The following CORO7 variants were observed in gnomAD, a reference collection of about 807,000 sequenced individuals.
The protein encoded by CORO7 is coronin-7.
In CORO7, 107 loss-of-function variants were observed where a neutral mutation model predicts 126.6. The ratio of observed to expected loss-of-function variants is 0.85; its 90% CI spans 0.72 to 0.99. CORO7 has a LOEUF of 0.99. Ranked by LOEUF, CORO7 falls within the 50% of genes least tolerant of loss-of-function variation. The pLI, the probability that CORO7 is intolerant of heterozygous loss-of-function variation, is 0.00. For synonymous variants in CORO7, 603 were observed against 536.8 expected, an observed-to-expected ratio of 1.12 and a Z score of -1.70; for missense variants, 1,314 against 1,255.8, an observed-to-expected ratio of 1.05 and a Z score of -0.70.
intron 7 of CORO7, 92 bp from the exon 8 acceptor site, chr16:4,388,723 C>T: frequency 7.4e-7 from 1 of 1,352,310 alleles, no homozygotes; most frequent in Non-Finnish European, 1.0e-6. Context: ...ACTTCTGCTG[C>T]CCACCTGCCT....
rs147901888 is a variant in CORO7 at position 4,361,373 on chromosome 16, G to A, written c.1675C>T (p.Arg559Cys). 35 of 1,612,072 alleles carry A rather than the reference G, an allele frequency of 2.2e-5. No homozygotes were observed. The highest frequency in any genetic ancestry group is 1.6e-4 in the Middle Eastern group (1 of 6,074). The change falls in exon 17 of 28, where the codon CGC (arginine) becomes TGC (cysteine). Residue 559 changes from arginine (R) to cysteine (C), a missense_variant. By Grantham distance (180) the Arg-to-Cys change is radical. Coordinates refer to ENST00000251166, the MANE Select transcript of CORO7 (RefSeq NM_024535.5). ...DLAWDPFDPH[R>C]LAVAGEDARI... ...CCAGCCTCCTTACCCACAGCGAGGC[G>A]ATGGGGGTCAAAGGGGTCCCAGGCC...
chr16:4,375,993 G>A (rs916543887), intron 9 of CORO7, among the ~76,000 whole-genome samples: 4 of 152,220 alleles, frequency 2.6e-5, no homozygotes, highest in African/African-American at 7.2e-5. Flanking sequence ...GGCATTATCT[G>A]TGGAATGAAG....
intron 21 of CORO7, 133 bp from the exon 22 acceptor site, chr16:4,359,754 A>G (rs2054098633): frequency 8.4e-7 from 1 of 1,196,522 alleles, no homozygotes; most frequent in South Asian, 1.6e-5. Context: ...CACCGCAGCC[A>G]CATCCTAACC....
intron 9 of CORO7, among the ~76,000 whole-genome samples, chr16:4,385,220 C>A (rs529338762): frequency 1.6e-4 from 24 of 152,288 alleles, no homozygotes; most frequent in African/African-American, 5.3e-4. Flanking sequence ...GTGACACATG[C>A]TCTTGTTTCA....
chr16:4,377,086 C>T (rs935221649), intron 9 of CORO7, among the ~76,000 whole-genome samples: 11 of 152,262 alleles, frequency 7.2e-5, no homozygotes, highest in South Asian at 6.2e-4. Flanking sequence ...GGGTCGTGGC[C>T]GGGCTGTGGA....
chr16:4,371,883 G>A (rs896423201), intron 9 of CORO7: 1 of 152,116 alleles, frequency 6.6e-6, no homozygotes, highest in African/African-American at 2.4e-5. Context: ...GGTGGACGCG[G>A]ACTCGAACGC....
intron 26 of CORO7, 190 bp downstream of exon 26, chr16:4,356,978 C>T: frequency 1.3e-6 from 1 of 777,884 alleles, no homozygotes; most frequent in South Asian, 1.8e-5. Context: ...TCCCACTGCC[C>T]TCCCCCACTT....
At position 4,382,180 on chromosome 16, in the gene CORO7, G is replaced by C. The variant is rs116785941; in HGVS notation, c.785+5806C>G. 9.4e-6 allele frequency: 15 copies of C among 1,597,722 alleles called. No homozygotes were observed. In the African/African-American group the frequency reaches 1.9e-4, roughly 20 times the overall value. ...CCACCTGGCGTGCTTGTGCCCCGAA[G>C]GCTTCACGGGCCTGTACTGTGAGAG... is the stretch of plus-strand genomic sequence containing the variant. On this transcript the variant is annotated intron_variant, in intron 9 of 27. Coordinates refer to ENST00000251166, the MANE Select transcript of CORO7 (RefSeq NM_024535.5).
chr16:4,360,172 G>A (rs1456530702), intron 21 of CORO7, 106 bp downstream of exon 21: 1 of 1,434,956 alleles, frequency 7.0e-7, no homozygotes, highest in Non-Finnish European at 9.6e-7. Context: ...ACCATCCAGT[G>A]AGGGGCAGGA....
chr16:4,362,632 C>T lies in CORO7; in HGVS notation c.1382G>A (p.Arg461Lys). The change falls in exon 15 of 28, where the codon AGG becomes AAG. Residue 461 changes from arginine to lysine, a missense_variant. Coordinates refer to ENST00000251166, the MANE Select transcript of CORO7 (RefSeq NM_024535.5). This position sits in a 1 kb window ranked among gnomAD's most constrained non-coding sequence, Gnocchi z 5.3. ...TSGIGTSPSL[R>K]SLQSLLGPSS... ...CTTACCCAGCAGGCTCTGCAGCGAC[C>T]TCAAACTGGGGCTGGTCCCGATGCC... The T allele has an allele frequency of 1.3e-6, 2 of 1,562,048 alleles. No homozygotes were observed. Among genetic ancestry groups the T allele is most frequent in the South Asian group, 1.2e-5 (1 of 84,652 alleles).
chr16:4,385,282 A>G (rs927394170), intron 9 of CORO7, among the ~76,000 whole-genome samples: 1 of 152,142 alleles, frequency 6.6e-6, no homozygotes, highest in African/African-American at 2.4e-5. Context: ...AGGGAAGACA[A>G]CATGCTCACA....
At chr16:4,412,304 G>A in intron 3 of CORO7, 52 bp downstream of exon 3, 3 of 1,600,044 alleles carry the variant, frequency 1.9e-6, no homozygotes, top group Non-Finnish European at 2.6e-6. Flanking sequence ...TCTGGCCCTG[G>A]AGAGGGAGGT....
At chr16:4,381,134 ACCAGATCG>A in intron 9 of CORO7, 3 of 1,610,280 alleles carry the variant, frequency 1.9e-6, no homozygotes, top group Non-Finnish European at 2.5e-6. Context: ...CTGTCACAGA[ACCAGATCG>A]CCAGCCTGCC....
At chr16:4,412,564 A>G (rs536591743) in intron 2 of CORO7, 134 bp from the exon 3 acceptor site, 3 of 879,160 alleles carry the variant, frequency 3.4e-6, no homozygotes, top group Non-Finnish European at 5.3e-6. Context: ...ACAAGATCAT[A>G]TCCTCTGCAC....
At chr16:4,370,168 A>G (rs2054475561) in intron 9 of CORO7, among the ~76,000 whole-genome samples, 1 of 152,138 alleles carries the variant, frequency 6.6e-6, no homozygotes, top group African/African-American at 2.4e-5. Context: ...TTTACCCCTG[A>G]CCCTGGGCAT....
At chr16:4,359,225 GC>G (rs2054078606) in intron 23 of CORO7, 70 bp downstream of exon 23, 6 of 1,485,098 alleles carry the variant, frequency 4.0e-6, no homozygotes, top group Non-Finnish European at 5.4e-6. Context: ...TCCTGTACTT[GC>G]CCACATGGCC....
At position 4,362,649 on chromosome 16, in the gene CORO7, C is replaced by G; in HGVS notation, c.1365G>C (p.Gly455=). 4 of 1,555,236 alleles carry G rather than the reference C, an allele frequency of 2.6e-6. No homozygotes were observed. The highest frequency in any genetic ancestry group is 3.5e-6 in the Non-Finnish European group (4 of 1,153,514). The part of the protein sequence containing the change: ...GPSLSSTSGI[G]TSPSLRSLQS... Reference sequence around the variant, plus strand: ...GCAGCGACCTCAAACTGGGGCTGGTCCCGATGCCACTGGTGCTGGAGAGTG... The same window carrying G: ...GCAGCGACCTCAAACTGGGGCTGGTGCCGATGCCACTGGTGCTGGAGAGTG... Residue 455 remains glycine (G), a synonymous_variant, in exon 15 of 28, where the codon GGG becomes GGC. Coordinates refer to ENST00000251166, the MANE Select transcript of CORO7 (RefSeq NM_024535.5). This position sits in a 1 kb window ranked among gnomAD's most constrained non-coding sequence, Gnocchi z 5.3.
Position 4,365,529 on chromosome 16 carries a change from G to C in CORO7, c.802C>G (p.Leu268Val), listed in dbSNP as rs1484241609. ...DTSLGCLVPL[L>V]DPDSGLLVLA... ...ACCAGGAGCCCAGAGTCAGGGTCCA[G>C]CAGAGGCACGAGACACCTGGGGAAG... Residue 268 changes from leucine to valine, a missense_variant, in exon 10 of 28, where the codon CTG becomes GTG. Physicochemically the swap from Leu to Val is conservative, Grantham distance 32 (BLOSUM62 1). Transcript: ENST00000251166. 2 of 1,581,380 alleles carry C rather than the reference G, an allele frequency of 1.3e-6. No individual in the cohort carries two copies. Among genetic ancestry groups the C allele is most frequent in the Non-Finnish European group, 1.7e-6 (2 of 1,164,040 alleles).
intron 6 of CORO7, among the ~76,000 whole-genome samples, chr16:4,397,912 G>C (rs920460414): frequency 5.3e-5 from 8 of 151,892 alleles, no homozygotes; most frequent in Non-Finnish European, 1.2e-4. Context: ...ACTGTGCCTA[G>C]CCTTTTTTGT....
Sources: allele counts gnomAD v4.1 joint callset (sites outside exome capture counted in the v4.1 genomes callset), GRCh38; gene constraint gnomAD v4.1.1; non-coding constraint Gnocchi (gnomAD v3.1); transcripts MANE v1.5; gene names NCBI Gene and HGNC (gene_info 2026-07-23, HGNC 2026-07-21).